Variants in IPCEF1 observed in about 807,000 individuals in gnomAD.
IPCEF1 encodes interaction protein for cytohesin exchange factors 1.
In IPCEF1, 31 loss-of-function variants were observed where a neutral mutation model predicts 50.9. The observed-to-expected ratio is 0.61, with a 90% CI of 0.46 to 0.82. The LOEUF (loss-of-function observed/expected upper bound fraction) is 0.82, where lower values mean the gene tolerates loss of function less well. IPCEF1 is among the 40% of genes least tolerant of loss of function. IPCEF1 has a pLI of 0.00. For missense variants in IPCEF1, 458 were observed against 514.0 expected (o/e 0.89, Z 1.05); for synonymous variants, 181 against 192.0 (o/e 0.94, Z 0.47).
intron 6 of IPCEF1, 120 bp downstream of exon 6, chr6:154,223,050 A>C: frequency 1.2e-6 from 1 of 807,472 alleles, no homozygotes; most frequent in East Asian, 2.6e-5. Context: ...ATAATGCTTC[A>C]AATTCTCAGA....
chr6:154,296,143 T>C (rs1167419545), intron 1 of IPCEF1, among the ~76,000 whole-genome samples: 2 of 152,028 alleles, frequency 1.3e-5, no homozygotes, highest in Admixed American at 6.6e-5. Flanking sequence ...CACAGGGAGA[T>C]AGGGAAGAAA....
At chr6:154,330,432 A>C (rs1283646865) in intron 1 of IPCEF1, among the ~76,000 whole-genome samples, 1 of 146,702 alleles carries the variant, frequency 6.8e-6, no homozygotes, top group Non-Finnish European at 1.5e-5. Flanking sequence ...AACCTCCTGG[A>C]CTCAAGCAAT....
chr6:154,278,167 A>C (rs576713886), intron 2 of IPCEF1, among the ~76,000 whole-genome samples: 29 of 152,358 alleles, frequency 1.9e-4, no homozygotes, highest in African/African-American at 6.3e-4. Flanking sequence ...TGCATAGAAA[A>C]AAAGTTTAGA....
At chr6:154,339,469 C>A (rs1175049776) in intron 1 of IPCEF1, among the ~76,000 whole-genome samples, 1 of 147,478 alleles carries the variant, frequency 6.8e-6, no homozygotes, top group Non-Finnish European at 1.5e-5. Flanking sequence ...GAGATAGCGT[C>A]TTGCTATATT....
intron 1 of IPCEF1, among the ~76,000 whole-genome samples, chr6:154,317,100 G>C (rs1783238856): frequency 1.3e-5 from 2 of 151,886 alleles, no homozygotes; most frequent in South Asian, 4.2e-4. Context: ...AAACATAAAA[G>C]AAAAAAATTC....
At chr6:154,220,800 T>C (rs1778804361) in intron 7 of IPCEF1, among the ~76,000 whole-genome samples, 1 of 152,204 alleles carries the variant, frequency 6.6e-6, no homozygotes, top group Non-Finnish European at 1.5e-5. Flanking sequence ...TTTGATGTAC[T>C]CCGAGCAAAG....
rs2128643757 is a variant in IPCEF1, at chr6:154,247,206, CT to C, written c.76+242del. On this transcript the variant is annotated intron_variant, in intron 4 of 11. Transcript: ENST00000367220. ...TAATGCCCACCTCAATACACAGCTA[CT>C]TCCCGACTCACTGCCAGTTTTTCTA... 5.8e-6 allele frequency: 3 copies of C among 516,352 alleles called. No individual in the cohort carries two copies. The South Asian group carries it at 8.6e-5, about 15-fold the overall frequency. The allele number at this position is 516,352 out of a possible 1,614,324, so 32.0% of individuals were successfully genotyped here. A position where few individuals can be genotyped will look rare whatever the true frequency, so the allele number is the denominator to read the frequency against.
intron 2 of IPCEF1, among the ~76,000 whole-genome samples, chr6:154,274,665 C>T (rs1419673905): frequency 1.3e-5 from 2 of 152,168 alleles, no homozygotes; most frequent in Non-Finnish European, 2.9e-5. Flanking sequence ...CTGTGGGACT[C>T]CTGAACCTGA....
intron 1 of IPCEF1, among the ~76,000 whole-genome samples, chr6:154,340,598 A>G (rs181403116): frequency 1.4e-3 from 208 of 151,392 alleles, no homozygotes; most frequent in African/African-American, 4.9e-3. Context: ...TAAAATATGT[A>G]AGAAGGGCCA....
chr6:154,225,536 G>C (rs1468393163), intron 5 of IPCEF1, among the ~76,000 whole-genome samples: 1 of 152,208 alleles, frequency 6.6e-6, no homozygotes. Context: ...ATATCCAGAA[G>C]TGGAAATCCA....
chr6:154,182,597 G>A (rs550897503), intron 10 of IPCEF1, among the ~76,000 whole-genome samples: 2 of 152,282 alleles, frequency 1.3e-5, no homozygotes, highest in African/African-American at 4.8e-5. Flanking sequence ...AACAGAAAAC[G>A]TTGGTGTACA....
chr6:154,316,162 T>C (rs1463067897), intron 1 of IPCEF1, among the ~76,000 whole-genome samples: 1 of 152,090 alleles, frequency 6.6e-6, no homozygotes, highest in African/African-American at 2.4e-5. Flanking sequence ...CCAGCCAACA[T>C]GTGCAAATTC....
intron 1 of IPCEF1, among the ~76,000 whole-genome samples, chr6:154,354,506 T>TCTCCTCCACCCC (rs1584018981): frequency 2.7e-5 from 1 of 36,854 alleles, no homozygotes. Context: ...ACTTCCACCA[T>TCTCCTCCACCCC]CACCTCTACC....
intron 1 of IPCEF1, among the ~76,000 whole-genome samples, chr6:154,334,519 A>G (rs1434429981): frequency 3.9e-5 from 6 of 152,246 alleles, no homozygotes; most frequent in Non-Finnish European, 5.9e-5. Flanking sequence ...GGCTAAGGAT[A>G]CATGCCCCAT....
At chr6:154,197,079 A>T (rs1015868883) in intron 10 of IPCEF1, among the ~76,000 whole-genome samples, 5 of 152,214 alleles carry the variant, frequency 3.3e-5, no homozygotes, top group African/African-American at 1.2e-4. Flanking sequence ...ATGCATCCTG[A>T]GACTGGGACT....
chr6:154,277,661 A>G (rs1008976687), intron 2 of IPCEF1, among the ~76,000 whole-genome samples: 2 of 152,194 alleles, frequency 1.3e-5, no homozygotes, highest in Admixed American at 6.5e-5. Context: ...TGTTCATTAG[A>G]CTATCTTACG....
At chr6:154,295,199 A>G (rs963589126) in intron 1 of IPCEF1, among the ~76,000 whole-genome samples, 7 of 150,432 alleles carry the variant, frequency 4.7e-5, no homozygotes, top group African/African-American at 1.7e-4. Flanking sequence ...CACCATCTCA[A>G]AAAAAAAAAT....
intron 1 of IPCEF1, among the ~76,000 whole-genome samples, chr6:154,340,680 G>A (rs1317281205): frequency 2.0e-5 from 3 of 152,024 alleles, no homozygotes; most frequent in Non-Finnish European, 4.4e-5. Flanking sequence ...GAGGTTGGGA[G>A]TTCGAGATCA....
intron 1 of IPCEF1, among the ~76,000 whole-genome samples, chr6:154,350,738 A>G (rs75472965): frequency 0.017 from 2,584 of 152,216 alleles, 42 homozygotes; most frequent in Middle Eastern, 0.027. Flanking sequence ...TTATTTTTTC[A>G]GAGACAGAGT....
Sources: gnomAD v4.1 joint callset for allele counts (sites outside exome capture counted in the v4.1 genomes callset) on GRCh38, gnomAD v4.1.1 for gene constraint, MANE v1.5 for transcripts, NCBI Gene and HGNC (gene_info 2026-07-23, HGNC 2026-07-21) for gene names.